Variants in SCHIP1 observed in about 807,000 individuals in gnomAD.
The protein encoded by SCHIP1 is schwannomin interacting protein 1, also known as schwannomin-interacting protein 1.
A neutral mutation model predicts 29.7 loss-of-function variants in SCHIP1; 8 were observed. The observed-to-expected ratio is 0.27, with a 90% CI of 0.16 to 0.49. SCHIP1 has a LOEUF of 0.49. Ranked by LOEUF, SCHIP1 falls within the 20% of genes least tolerant of loss-of-function variation. The pLI is 0.99. For missense variants in SCHIP1, 193 were observed against 294.6 expected (o/e 0.66, Z 2.52); for synonymous variants, 76 against 94.9 (o/e 0.80, Z 1.16).
chr3:159,333,731 A>T, the SCHIP1 span, among the ~76,000 whole-genome samples: 1 of 152,208 alleles, frequency 6.6e-6, no homozygotes, highest in Non-Finnish European at 1.5e-5. Flanking sequence ...CATTAGTCTG[A>T]TATCAACAAA....
chr3:159,365,215 A>T, the SCHIP1 span, among the ~76,000 whole-genome samples: 338 of 152,272 alleles, frequency 2.2e-3, 2 homozygotes, highest in African/African-American at 7.7e-3. Context: ...GTATAGTAAT[A>T]TAGGCCTGCC....
the SCHIP1 span, among the ~76,000 whole-genome samples, chr3:159,377,841 A>C: frequency 5.3e-4 from 80 of 152,330 alleles, no homozygotes; most frequent in African/African-American, 1.9e-3. Context: ...CAACCACAAA[A>C]AGAGTATAAG....
At chr3:159,483,366 A>C in the SCHIP1 span, among the ~76,000 whole-genome samples, 1 of 152,204 alleles carries the variant, frequency 6.6e-6, no homozygotes, top group South Asian at 2.1e-4. Flanking sequence ...ACAGGAAAGT[A>C]TGTCTGTCCA....
At chr3:159,298,829 A>G in the SCHIP1 span, among the ~76,000 whole-genome samples, 1 of 152,260 alleles carries the variant, frequency 6.6e-6, no homozygotes, top group Non-Finnish European at 1.5e-5. Flanking sequence ...TTTTTAAAAT[A>G]AACATCGTTG....
chr3:159,663,845 A>C, the SCHIP1 span, among the ~76,000 whole-genome samples: 2 of 152,210 alleles, frequency 1.3e-5, no homozygotes, highest in African/African-American at 2.4e-5. Flanking sequence ...TTTATCCAGC[A>C]GTTCCTCGCT....
At chr3:159,494,671 A>C in the SCHIP1 span, among the ~76,000 whole-genome samples, 2 of 152,214 alleles carry the variant, frequency 1.3e-5, no homozygotes, top group African/African-American at 4.8e-5. Flanking sequence ...ATTCTATCAG[A>C]GGTACAAGGA....
chr3:159,348,871 T>A, the SCHIP1 span, among the ~76,000 whole-genome samples: 5 of 152,218 alleles, frequency 3.3e-5, no homozygotes, highest in African/African-American at 1.2e-4. Context: ...TAGTTCTTTC[T>A]TTTCTTCAAT....
At chr3:159,798,334 T>C in the SCHIP1 span, among the ~76,000 whole-genome samples, 2 of 152,210 alleles carry the variant, frequency 1.3e-5, no homozygotes, top group Non-Finnish European at 2.9e-5. Context: ...ATGGGAGTAT[T>C]AATACTACTT....
the SCHIP1 span, among the ~76,000 whole-genome samples, chr3:159,308,062 C>CT: frequency 5.3e-5 from 8 of 151,226 alleles, no homozygotes; most frequent in South Asian, 2.1e-4. Context: ...TATTTAGGCT[C>CT]TTTTTTTTGG....
the SCHIP1 span, among the ~76,000 whole-genome samples, chr3:159,554,007 TGTGTGTGTGTGTTTGTG>T: frequency 7.0e-5 from 9 of 127,798 alleles, no homozygotes; most frequent in African/African-American, 3.5e-4. Context: ...TGTGTGTGTG[TGTGTGTGTGTGTTTGTG>T]TATGTGTGTG....
the SCHIP1 span, among the ~76,000 whole-genome samples, chr3:159,526,272 G>A: frequency 2.0e-5 from 3 of 152,138 alleles, no homozygotes; most frequent in Non-Finnish European, 4.4e-5. Flanking sequence ...GGGCTCAAGC[G>A]ATCATCCCAC....
At chr3:159,365,037 A>G in the SCHIP1 span, among the ~76,000 whole-genome samples, 3 of 152,142 alleles carry the variant, frequency 2.0e-5, no homozygotes, top group Non-Finnish European at 4.4e-5. Context: ...TAGCTCTTAA[A>G]TCTGGTATTT....
chr3:159,454,344 G>T, the SCHIP1 span, among the ~76,000 whole-genome samples: 2 of 152,120 alleles, frequency 1.3e-5, no homozygotes, highest in African/African-American at 4.8e-5. Context: ...ATGGGGGTGG[G>T]GGCTGGTGAC....
At chr3:159,869,404 T>C (rs1417551809) in intron 2 of SCHIP1, among the ~76,000 whole-genome samples, 1 of 151,952 alleles carries the variant, frequency 6.6e-6, no homozygotes, top group East Asian at 1.9e-4. Context: ...CAGTCAAAAG[T>C]TGATTTCTTG....
At chr3:159,286,540 G>A in the SCHIP1 span, among the ~76,000 whole-genome samples, 2 of 152,168 alleles carry the variant, frequency 1.3e-5, no homozygotes, top group African/African-American at 4.8e-5. Context: ...GCATACATGA[G>A]CATGTGTCTT....
At chr3:159,753,334 G>T in the SCHIP1 span, among the ~76,000 whole-genome samples, 10 of 151,988 alleles carry the variant, frequency 6.6e-5, no homozygotes, top group Non-Finnish European at 1.5e-4. Flanking sequence ...CTTAGATATA[G>T]AACGTCCAAA....
chr3:159,385,432 C>G, the SCHIP1 span, among the ~76,000 whole-genome samples: 2 of 151,976 alleles, frequency 1.3e-5, no homozygotes, highest in African/African-American at 4.8e-5. Context: ...TGGCGTATGC[C>G]TATAGTTCTA....
At chr3:159,415,524 C>A in the SCHIP1 span, among the ~76,000 whole-genome samples, 21 of 152,144 alleles carry the variant, frequency 1.4e-4, no homozygotes, top group African/African-American at 4.8e-4. Flanking sequence ...CATTGAATTC[C>A]CTTCTATAAG....
At chr3:159,764,530 A>G in the SCHIP1 span, 19 of 1,588,774 alleles carry the variant, frequency 1.2e-5, no homozygotes, top group Non-Finnish European at 1.6e-5. This position sits in a 1 kb window ranked among gnomAD's most constrained non-coding sequence, Gnocchi z 6.1. Flanking sequence ...CAACTCCACC[A>G]AAGTGACCCC....
Sources: allele counts gnomAD v4.1 joint callset (sites outside exome capture counted in the v4.1 genomes callset), GRCh38; gene constraint gnomAD v4.1.1; non-coding constraint Gnocchi (gnomAD v3.1); transcripts MANE v1.5; gene names NCBI Gene and HGNC (gene_info 2026-07-23, HGNC 2026-07-21).